PUM3: variants seen among roughly 807,000 people sequenced by gnomAD.
PUM3 encodes the protein pumilio RNA binding family member 3, also known as pumilio homolog 3.
A neutral mutation model predicts 84.0 loss-of-function variants in PUM3; 91 were observed. That is an observed-to-expected ratio of 1.08 (90% CI 0.91 to 1.29). The LOEUF (loss-of-function observed/expected upper bound fraction) is 1.29, where lower values mean the gene tolerates loss of function less well. Ranked by LOEUF, PUM3 falls within the 50% of genes most tolerant of loss-of-function variation. PUM3 has a pLI of 0.00. For missense variants in PUM3, 1,067 were observed against 767.5 expected, an observed-to-expected ratio of 1.39 and a Z score of -4.61; for synonymous variants, 321 against 266.7, an observed-to-expected ratio of 1.20 and a Z score of -1.98.
intron 5 of PUM3, among the ~76,000 whole-genome samples, chr9:2,831,971 T>C (rs1351494220): frequency 2.0e-5 from 3 of 152,146 alleles, no homozygotes; most frequent in African/African-American, 7.2e-5. Flanking sequence ...CTCATGACTG[T>C]TGGAAGGACC....
chr9:2,804,287 G>C lies in PUM3; in HGVS notation c.*44C>G, dbSNP rs746364888. The C allele has an allele frequency of 3.8e-6, 6 of 1,596,474 alleles. No homozygotes were observed. The highest frequency in any genetic ancestry group is 1.3e-5 in the African/African-American group (1 of 74,174). On this transcript the variant is annotated 3_prime_UTR_variant, in exon 18 of 18. Coordinates refer to ENST00000397885, the MANE Select transcript of PUM3 (RefSeq NM_014878.5). ...CTTTTCTGCATTGGGAAACAGAACA[G>C]AGAACAGAAAAAATCATTCCATCTT...
At chr9:2,824,220 T>C (rs1815745339) in intron 11 of PUM3, among the ~76,000 whole-genome samples, 1 of 152,164 alleles carries the variant, frequency 6.6e-6, no homozygotes, top group Non-Finnish European at 1.5e-5. Context: ...AAAAAGTAGA[T>C]ATAGTACAAC....
rs1821214641 is a variant in PUM3, at chr9:2,804,213, A to G, written c.*118T>C. The G allele has an allele frequency of 1.1e-6, 1 of 918,504 alleles. No individual in the cohort carries two copies. The highest frequency in any genetic ancestry group is 1.6e-6 in the Non-Finnish European group (1 of 629,210). The allele number at this position is 918,504 out of a possible 1,614,324, so 56.9% of individuals were successfully genotyped here. ...AAATAGATTCGTATACAAAGAAGAA[A>G]CACATATACAGAGTACCCCAATTAC... is the stretch of plus-strand genomic sequence containing the variant. On this transcript the variant is annotated 3_prime_UTR_variant, in exon 18 of 18. Transcript: ENST00000397885.
intron 13 of PUM3, among the ~76,000 whole-genome samples, chr9:2,813,000 T>C (rs763025238): frequency 4.0e-4 from 61 of 152,208 alleles, no homozygotes; most frequent in Non-Finnish European, 8.5e-4. Flanking sequence ...ATCGAACAAG[T>C]GGATAAAGGC....
At chr9:2,819,038 T>C (rs1242665781) in intron 13 of PUM3, among the ~76,000 whole-genome samples, 2 of 152,170 alleles carry the variant, frequency 1.3e-5, no homozygotes, top group Non-Finnish European at 2.9e-5. Flanking sequence ...AGGGTCCCAT[T>C]TATGTATATC....
chr9:2,826,077 T>G (rs1049809435), intron 10 of PUM3, among the ~76,000 whole-genome samples: 2 of 151,982 alleles, frequency 1.3e-5, no homozygotes, highest in African/African-American at 4.8e-5. Context: ...ATATTCCAAT[T>G]ATGCTTCCAT....
At chr9:2,813,818 C>T in intron 13 of PUM3, among the ~76,000 whole-genome samples, 1 of 152,206 alleles carries the variant, frequency 6.6e-6, no homozygotes, top group African/African-American at 2.4e-5. Context: ...TCATTTTTTG[C>T]ACAAAAGTAT....
chr9:2,839,231 C>T (rs1182680697), intron 1 of PUM3, among the ~76,000 whole-genome samples: 1 of 152,166 alleles, frequency 6.6e-6, no homozygotes, highest in Non-Finnish European at 1.5e-5. Flanking sequence ...CTGAAAGCAG[C>T]AGAACAGATC....
At chr9:2,841,340 T>C (rs1586730539) in intron 1 of PUM3, among the ~76,000 whole-genome samples, 1 of 152,134 alleles carries the variant, frequency 6.6e-6, no homozygotes, top group Non-Finnish European at 1.5e-5. Flanking sequence ...CCCAGCACTT[T>C]GGGAGGCTGA....
At chr9:2,809,532 T>C (rs1363376284) in intron 16 of PUM3, among the ~76,000 whole-genome samples, 1 of 152,200 alleles carries the variant, frequency 6.6e-6, no homozygotes, top group African/African-American at 2.4e-5. Context: ...ACAGCTCTAC[T>C]GCTATACTGA....
At chr9:2,836,480 C>G (rs576606434) in intron 3 of PUM3, among the ~76,000 whole-genome samples, 5 of 152,274 alleles carry the variant, frequency 3.3e-5, no homozygotes, top group African/African-American at 9.6e-5. Flanking sequence ...CACTGAACAT[C>G]GTTGACAGAG....
chr9:2,834,316 C>G, intron 3 of PUM3, 150 bp from the exon 4 acceptor site: 1 of 582,874 alleles, frequency 1.7e-6, no homozygotes, highest in East Asian at 3.0e-5. Flanking sequence ...ATATATACTT[C>G]ACTTTGCTTT....
chr9:2,840,762 C>A (rs1390770853), intron 1 of PUM3, among the ~76,000 whole-genome samples: 1 of 152,168 alleles, frequency 6.6e-6, no homozygotes, highest in Non-Finnish European at 1.5e-5. Context: ...AAAGCACATC[C>A]TTATTTCCTG....
Position 2,831,359 on chromosome 9 carries a change from T to A in PUM3, c.517-15A>T. 6.5e-7 allele frequency: 1 copy of A among 1,532,962 alleles called. No homozygotes were observed. The highest frequency in any genetic ancestry group is 9.0e-7 in the Non-Finnish European group (1 of 1,111,088). 95.0% of individuals were successfully genotyped at this position (1,532,962 alleles called of 1,614,324 possible). On this transcript the variant is annotated splice_polypyrimidine_tract_variant and intron_variant, in intron 5 of 17. Coordinates refer to ENST00000397885, the MANE Select transcript of PUM3 (RefSeq NM_014878.5). ...GCAAATGCAATCTGCAGGAAAAAGTTTGAGTTAGACTAATTCTCTTTTGAG... is the reference window on the plus strand; with the variant it reads ...GCAAATGCAATCTGCAGGAAAAAGTATGAGTTAGACTAATTCTCTTTTGAG...
intron 13 of PUM3, among the ~76,000 whole-genome samples, chr9:2,815,011 A>C (rs1475229906): frequency 6.6e-6 from 1 of 152,194 alleles, no homozygotes; most frequent in African/African-American, 2.4e-5. Context: ...TGGTTTTATA[A>C]AATGAGAAAC....
chr9:2,832,718 T>C (rs1365194249), intron 5 of PUM3, among the ~76,000 whole-genome samples: 1 of 152,168 alleles, frequency 6.6e-6, no homozygotes, highest in Non-Finnish European at 1.5e-5. Context: ...CTTGCTACTT[T>C]CCTTCAAACT....
intron 17 of PUM3, among the ~76,000 whole-genome samples, chr9:2,806,355 A>G (rs1320890046): frequency 6.6e-6 from 1 of 152,228 alleles, no homozygotes; most frequent in Non-Finnish European, 1.5e-5. Context: ...TGTAACACTT[A>G]TATATTTGGA....
intron 2 of PUM3, 83 bp downstream of exon 2, chr9:2,838,343 A>G (rs1268514751): frequency 2.2e-6 from 2 of 902,956 alleles, no homozygotes. Context: ...ATCCTAGCCA[A>G]TGAATACAGA....
intron 3 of PUM3, among the ~76,000 whole-genome samples, 163 bp from the exon 4 acceptor site, chr9:2,834,329 G>A (rs893797451): frequency 6.6e-6 from 1 of 152,116 alleles, no homozygotes; most frequent in African/African-American, 2.4e-5. Context: ...TTTGCTTTCT[G>A]AGCAGTTTGT....
Sources: allele counts gnomAD v4.1 joint callset (sites outside exome capture counted in the v4.1 genomes callset), GRCh38; gene constraint gnomAD v4.1.1; transcripts MANE v1.5; gene names NCBI Gene and HGNC (gene_info 2026-07-23, HGNC 2026-07-21).